GALNT17: variants seen among roughly 807,000 people sequenced by gnomAD.
The protein encoded by GALNT17 is UDP-GalNAc:polypeptide N-acetylgalactosaminyltransferase-like 3.
Under a neutral mutation model 63.7 loss-of-function variants are expected in GALNT17, and 29 were observed. That is an observed-to-expected ratio of 0.46 (90% CI 0.34 to 0.62). The LOEUF is 0.62. Ranked by LOEUF, GALNT17 falls within the 20% of genes least tolerant of loss-of-function variation. GALNT17 has a pLI of 0.01. For synonymous variants in GALNT17, 305 were observed against 318.3 expected (o/e 0.96, Z 0.45); for missense variants, 603 against 799.6 (o/e 0.75, Z 2.97).
At position 71,612,753 on chromosome 7, in the gene GALNT17, TTCC is replaced by T. The variant is rs1211601672; in HGVS notation, c.1080+41353_1080+41355del. Among the ~76,000 whole-genome samples, 11 of 152,322 alleles carry T rather than the reference TTCC, an allele frequency of 7.2e-5. No individual in the cohort carries two copies. The East Asian group carries it at 1.9e-3, about 27-fold the overall frequency. On this transcript the variant is annotated intron_variant, in intron 6 of 10. Coordinates refer to ENST00000333538, the MANE Select transcript of GALNT17 (RefSeq NM_022479.3). The stretch of plus-strand genomic sequence containing the variant: ...CATGTTGATGGAAAACACTAGAAAT[TTCC>T]TTTGTGATTATTTTGTTCCCTTTCA...
At chr7:71,316,433 T>C (rs1205337621) in intron 1 of GALNT17, among the ~76,000 whole-genome samples, 1 of 152,188 alleles carries the variant, frequency 6.6e-6, no homozygotes, top group Non-Finnish European at 1.5e-5. Flanking sequence ...ACCAGCATAG[T>C]ATTGATCCAT....
At chr7:71,243,952 A>C (rs1360442989) in intron 1 of GALNT17, among the ~76,000 whole-genome samples, 1 of 152,150 alleles carries the variant, frequency 6.6e-6, no homozygotes, top group Non-Finnish European at 1.5e-5. Context: ...GAAATGAGAA[A>C]ATGGGAAAAT....
At chr7:71,276,938 C>T (rs1790693354) in intron 1 of GALNT17, among the ~76,000 whole-genome samples, 2 of 152,096 alleles carry the variant, frequency 1.3e-5, no homozygotes, top group Non-Finnish European at 2.9e-5. Context: ...GCGGAGATTG[C>T]AGTGAGCCGA....
intron 1 of GALNT17, among the ~76,000 whole-genome samples, chr7:71,222,439 T>G (rs1257873052): frequency 6.6e-6 from 1 of 151,236 alleles, no homozygotes; most frequent in African/African-American, 2.4e-5. Flanking sequence ...ATTACAGGTG[T>G]CCGCACCACG....
chr7:71,290,571 G>A (rs1351985238), intron 1 of GALNT17, among the ~76,000 whole-genome samples: 1 of 152,138 alleles, frequency 6.6e-6, no homozygotes, highest in Non-Finnish European at 1.5e-5. Context: ...GAGCTGGGCT[G>A]CAGAAAGAGG....
At chr7:71,493,307 G>A (rs115287238) in intron 5 of GALNT17, among the ~76,000 whole-genome samples, 7,195 of 152,228 alleles carry the variant, frequency 0.047, 232 homozygotes, top group South Asian at 0.15. Flanking sequence ...TCTTGACTGG[G>A]CCCCAGTTCA....
intron 6 of GALNT17, among the ~76,000 whole-genome samples, chr7:71,597,534 A>ATAAATAAG (rs1229600677): frequency 1.3e-5 from 2 of 152,010 alleles, no homozygotes; most frequent in South Asian, 2.1e-4. Context: ...AAATAAATAA[A>ATAAATAAG]TAAGTAAATA....
chr7:71,427,370 A>G (rs542785388), intron 5 of GALNT17, among the ~76,000 whole-genome samples: 6 of 152,124 alleles, frequency 3.9e-5, no homozygotes, highest in African/African-American at 1.4e-4. Flanking sequence ...TGCTGGGATT[A>G]CAGGTGTGAG....
At chr7:71,524,805 T>A (rs1014330691) in intron 5 of GALNT17, among the ~76,000 whole-genome samples, 10 of 152,204 alleles carry the variant, frequency 6.6e-5, no homozygotes, top group Non-Finnish European at 1.2e-4. Context: ...TCATTTTGAT[T>A]TGAGTGTGTT....
At chr7:71,350,859 G>A (rs10240080) in intron 2 of GALNT17, among the ~76,000 whole-genome samples, 23,110 of 152,182 alleles carry the variant, frequency 0.15, 2,553 homozygotes, top group African/African-American at 0.32. Context: ...CTCTGGCAGC[G>A]GCTGGGCGCA....
chr7:71,624,391 C>A (rs1331040090), intron 6 of GALNT17, among the ~76,000 whole-genome samples: 1 of 152,136 alleles, frequency 6.6e-6, no homozygotes, highest in African/African-American at 2.4e-5. Context: ...AGCTGTGAGG[C>A]CGGTGCGTTC....
At chr7:71,392,173 T>G (rs1793063685) in intron 3 of GALNT17, among the ~76,000 whole-genome samples, 1 of 152,186 alleles carries the variant, frequency 6.6e-6, no homozygotes, top group Non-Finnish European at 1.5e-5. Context: ...AAGCAGACCC[T>G]GAAATAAACA....
chr7:71,512,448 A>G (rs1444117552), intron 5 of GALNT17, among the ~76,000 whole-genome samples: 1 of 152,156 alleles, frequency 6.6e-6, no homozygotes, highest in East Asian at 1.9e-4. Context: ...AGGAAAGCCT[A>G]GCTGTCTCTG....
chr7:71,703,901 T>C (rs190473112), intron 9 of GALNT17, among the ~76,000 whole-genome samples: 130 of 151,946 alleles, frequency 8.6e-4, no homozygotes, highest in African/African-American at 3.1e-3. Flanking sequence ...TGGAAAGTAA[T>C]ATTCTCTGAA....
At chr7:71,287,345 C>G (rs1790893689) in intron 1 of GALNT17, among the ~76,000 whole-genome samples, 1 of 151,916 alleles carries the variant, frequency 6.6e-6, no homozygotes, top group Admixed American at 6.6e-5. Context: ...CTGCCTTTAC[C>G]TCCCAAAGTG....
At chr7:71,521,045 G>A (rs1562674176) in intron 5 of GALNT17, among the ~76,000 whole-genome samples, 1 of 152,208 alleles carries the variant, frequency 6.6e-6, no homozygotes, top group South Asian at 2.1e-4. Flanking sequence ...AGCTGCCCAT[G>A]GAAGATGCCA....
intron 2 of GALNT17, among the ~76,000 whole-genome samples, chr7:71,368,200 A>T (rs2178700): frequency 0.043 from 6,602 of 152,244 alleles, 508 homozygotes; most frequent in African/African-American, 0.15. Flanking sequence ...GCTCTGTGTA[A>T]TGTCACTTCT....
intron 1 of GALNT17, among the ~76,000 whole-genome samples, chr7:71,261,226 A>C (rs1790380033): frequency 6.6e-6 from 1 of 152,102 alleles, no homozygotes; most frequent in Non-Finnish European, 1.5e-5. Context: ...TGCATCCTGG[A>C]TTCTGCCTGG....
intron 6 of GALNT17, among the ~76,000 whole-genome samples, chr7:71,645,732 T>C (rs1050105268): frequency 6.6e-6 from 1 of 152,100 alleles, no homozygotes. Flanking sequence ...CTCCTCCACT[T>C]CTAGGATCCT....
Sources: allele counts gnomAD v4.1 joint callset (sites outside exome capture counted in the v4.1 genomes callset), GRCh38; gene constraint gnomAD v4.1.1; transcripts MANE v1.5; gene names NCBI Gene and HGNC (gene_info 2026-07-23, HGNC 2026-07-21).